The following ZNF292 variants were observed in gnomAD, a reference collection of about 807,000 sequenced individuals.
The protein encoded by ZNF292 is zinc finger protein 292, also known as 16 zinc-finger domain protein.
In ZNF292, 26 loss-of-function variants were observed where a neutral mutation model predicts 217.9. The ratio of observed to expected loss-of-function variants is 0.12; its 90% confidence interval spans 0.09 to 0.17. The LOEUF (loss-of-function observed/expected upper bound fraction) is 0.17. ZNF292 is among the 10% of genes least tolerant of loss of function. ZNF292 has a pLI of 1.00. For synonymous variants in ZNF292, 1,257 were observed against 1,124.1 expected (o/e 1.12, Z -2.37); for missense variants, 2,904 against 3,175.2 (o/e 0.91, Z 2.05).
At position 87,258,914 on chromosome 6, in the gene ZNF292, T is replaced by C. The variant is rs1775397765; in HGVS notation, c.5285T>C (p.Ile1762Thr). Residue 1762 changes from isoleucine to threonine, a missense_variant, in exon 8 of 8, where the codon ATT (isoleucine) becomes ACT (threonine). This residue lies in a region of ZNF292 where 622 missense variants were observed against 573.1 expected (regional missense o/e 1.09). Coordinates refer to ENST00000369577, the MANE Select transcript of ZNF292 (RefSeq NM_015021.3). ...AACTTTGAAAAGACTCTTGAAATTA[T>C]TAAAACTGCTATGAATTCTCAAATA... is the stretch of plus-strand genomic sequence containing the variant. ...IQNFEKTLEI[I>T]KTAMNSQILE... is the part of the protein sequence containing the mutation. 1 of 1,608,294 alleles carries C rather than the reference T, an allele frequency of 6.2e-7. No homozygotes were observed. Among genetic ancestry groups the C allele is most frequent in the Non-Finnish European group, 8.5e-7 (1 of 1,176,812 alleles).
chr6:87,248,966 C>A (rs183742144), intron 7 of ZNF292, among the ~76,000 whole-genome samples: 1 of 152,286 alleles, frequency 6.6e-6, no homozygotes, highest in East Asian at 1.9e-4. Context: ...TCCTACTGGA[C>A]AGCACAGATA....
At chr6:87,231,547 C>T (rs981714305) in intron 4 of ZNF292, among the ~76,000 whole-genome samples, 8 of 152,092 alleles carry the variant, frequency 5.3e-5, no homozygotes, top group Admixed American at 5.2e-4. Context: ...CCATTTTGCC[C>T]TAAGTGTGGC....
intron 1 of ZNF292, among the ~76,000 whole-genome samples, chr6:87,162,775 A>G (rs946740258): frequency 6.6e-6 from 1 of 152,210 alleles, no homozygotes; most frequent in Non-Finnish European, 1.5e-5. Context: ...CAGGATTTTC[A>G]TAGGTTTTTA....
At chr6:87,249,959 C>T (rs11968759) in intron 7 of ZNF292, among the ~76,000 whole-genome samples, 1,557 of 150,996 alleles carry the variant, frequency 0.01, 28 homozygotes, top group African/African-American at 0.035. Context: ...ATCTGCCCAC[C>T]TCAGCCTCCC....
intron 1 of ZNF292, among the ~76,000 whole-genome samples, chr6:87,211,375 A>G (rs1772478853): frequency 6.6e-6 from 1 of 152,176 alleles, no homozygotes; most frequent in Non-Finnish European, 1.5e-5. Context: ...AATTTGGCTA[A>G]TTTAATCTAA....
chr6:87,258,302 C>G lies in ZNF292; in HGVS notation c.4673C>G (p.Thr1558Ser), dbSNP rs745779369. 1 of 1,613,532 alleles carries G rather than the reference C, an allele frequency of 6.2e-7. No individual in the cohort carries two copies. The highest frequency in any genetic ancestry group is 1.1e-5 in the South Asian group (1 of 91,008). ...TNQNRTSNSKTSSIEECSSLP... is the reference protein window; with the variant it reads ...TNQNRTSNSKSSSIEECSSLP... ...CAGAATAGGACGTCAAACTCCAAAACTTCCTCCATTGAGGAATGTAGCAGC... is the reference window on the plus strand; with the variant it reads ...CAGAATAGGACGTCAAACTCCAAAAGTTCCTCCATTGAGGAATGTAGCAGC... Residue 1558 changes from threonine (T) to serine (S), a missense_variant, in exon 8 of 8, where the codon ACT becomes AGT. By Grantham distance (58) the Thr-to-Ser change is moderately conservative. Coordinates refer to ENST00000369577, the MANE Select transcript of ZNF292 (RefSeq NM_015021.3).
At chr6:87,248,273 C>G (rs1294888930) in intron 7 of ZNF292, among the ~76,000 whole-genome samples, 1 of 152,122 alleles carries the variant, frequency 6.6e-6, no homozygotes. Flanking sequence ...TTTATAAGTA[C>G]CTTTTAAAAT....
chr6:87,189,554 G>C (rs1771768683), intron 1 of ZNF292, among the ~76,000 whole-genome samples: 1 of 151,376 alleles, frequency 6.6e-6, no homozygotes, highest in Non-Finnish European at 1.5e-5. Context: ...TTTTCTTTTA[G>C]GAGTAATGGC....
rs1226744782 is a variant in ZNF292 at position 87,258,170 on chromosome 6, C to T, written c.4541C>T (p.Thr1514Ile). Reference sequence around the variant, plus strand: ...GCCGAAATGCTTTCTCATGTTTCAACAGGTTGTGTCTCTGATGCATCACAA... The same window carrying T: ...GCCGAAATGCTTTCTCATGTTTCAATAGGTTGTGTCTCTGATGCATCACAA... ...EGAEMLSHVS[T>I]GCVSDASQVN... Residue 1514 changes from threonine to isoleucine, a missense_variant, in exon 8 of 8, where the codon ACA (threonine) becomes ATA (isoleucine). Thr to Ile is a moderately conservative substitution (Grantham distance 89). Transcript: ENST00000369577. 5.6e-6 allele frequency: 9 copies of T among 1,611,826 alleles called. No individual in the cohort carries two copies. Among genetic ancestry groups the T allele is most frequent in the Non-Finnish European group, 5.9e-6 (7 of 1,179,062 alleles).
At chr6:87,252,602 G>A (rs186298569) in intron 7 of ZNF292, among the ~76,000 whole-genome samples, 19 of 152,178 alleles carry the variant, frequency 1.2e-4, no homozygotes, top group African/African-American at 4.3e-4. Flanking sequence ...TCATCTTTAT[G>A]GTTTACTTGG....
intron 4 of ZNF292, among the ~76,000 whole-genome samples, chr6:87,226,462 G>A (rs1347151433): frequency 2.0e-5 from 3 of 151,662 alleles, no homozygotes; most frequent in African/African-American, 4.8e-5. Context: ...CAGGTAAATA[G>A]GGTGAGGTCA....
At chr6:87,180,111 C>T (rs373210131) in intron 1 of ZNF292, among the ~76,000 whole-genome samples, 13 of 152,164 alleles carry the variant, frequency 8.5e-5, no homozygotes, top group African/African-American at 3.1e-4. Flanking sequence ...TCTTGGGCCA[C>T]ACATAACATA....
chr6:87,222,184 G>A (rs571516755), intron 4 of ZNF292, among the ~76,000 whole-genome samples: 1 of 151,594 alleles, frequency 6.6e-6, no homozygotes, highest in South Asian at 2.1e-4. Flanking sequence ...ATTTCCTCTC[G>A]TTTTGCAGAC....
At position 87,257,515 on chromosome 6, in the gene ZNF292, CATT is replaced by C; in HGVS notation, c.3890_3892del (p.Tyr1297del). 1 of 1,609,496 alleles carries C rather than the reference CATT, an allele frequency of 6.2e-7. No homozygotes were observed. Reference sequence around the variant, plus strand: ...TTCCCAACTGGAAAATAATACAAATCATTATTCCTCACAGATTGAAGGAAACAC... The same window carrying C: ...TTCCCAACTGGAAAATAATACAAATCATTCCTCACAGATTGAAGGAAACAC... On this transcript the variant is annotated inframe_deletion, in exon 8 of 8. Coordinates refer to ENST00000369577, the MANE Select transcript of ZNF292 (RefSeq NM_015021.3).
chr6:87,230,733 TA>T (rs35005215), intron 4 of ZNF292, among the ~76,000 whole-genome samples: 1,494 of 137,218 alleles, frequency 0.011, 17 homozygotes, highest in African/African-American at 0.026. Context: ...GACTCCGTCT[TA>T]AAAAAAAAAA....
In ZNF292 at chr6:87,257,677, G is replaced by C. The variant is rs1775307185; in HGVS notation, c.4048G>C (p.Gly1350Arg). 1 of 1,611,730 alleles carries C rather than the reference G, an allele frequency of 6.2e-7. No individual in the cohort carries two copies. The highest frequency in any genetic ancestry group is 8.5e-7 in the Non-Finnish European group (1 of 1,178,842). ...PEKVKKDRGR[G>R]PNGKERKPKH... ...AAAAGTTAAAAAAGACCGTGGGCGG[G>C]GCCCAAATGGGAAGGAAAGAAAACC... Residue 1350 changes from glycine (G) to arginine (R), a missense_variant, in exon 8 of 8, where the codon GGC becomes CGC. By Grantham distance (125) the Gly-to-Arg change is moderately radical (BLOSUM62 -2). Transcript: ENST00000369577.
At chr6:87,210,314 TC>T (rs1772429261) in intron 1 of ZNF292, among the ~76,000 whole-genome samples, 2 of 152,264 alleles carry the variant, frequency 1.3e-5, no homozygotes, top group East Asian at 3.9e-4. Context: ...ATTTGTGGTA[TC>T]AAAATATCAT....
intron 4 of ZNF292, among the ~76,000 whole-genome samples, chr6:87,231,083 A>G (rs1773628882): frequency 6.6e-6 from 1 of 152,166 alleles, no homozygotes. Context: ...TTATAAGGAA[A>G]AACATCTTGG....
rs201920044 is a variant in ZNF292 at position 87,257,224 on chromosome 6, G to A, written c.3595G>A (p.Val1199Met). 22 of 1,613,714 alleles carry A rather than the reference G, an allele frequency of 1.4e-5. No homozygotes were observed. The highest frequency in any genetic ancestry group is 1.7e-5 in the Non-Finnish European group (20 of 1,179,846). Residue 1199 changes from valine to methionine, a missense_variant, in exon 8 of 8, where the codon GTG becomes ATG. Val to Met is a conservative substitution (Grantham distance 21). Around this residue, in one of 15 missense-constraint regions of ZNF292, gnomAD observed 687 missense variants for 623.0 expected, o/e 1.10. Coordinates refer to ENST00000369577, the MANE Select transcript of ZNF292 (RefSeq NM_015021.3). Reference protein sequence around the residue: ...PPIFPAHLASVSTPLLSSMES... With the variant: ...PPIFPAHLASMSTPLLSSMES... ...CATTTTTCCAGCTCATTTAGCAAGT[G>A]TGTCAACTCCATTGTTGTCCTCAAT... is the stretch of plus-strand genomic sequence containing the variant.
Sources: gnomAD v4.1 joint callset for allele counts (sites outside exome capture counted in the v4.1 genomes callset) on GRCh38, gnomAD v4.1.1 for gene constraint, gnomAD v4.1.1 regional missense constraint, MANE v1.5 for transcripts, NCBI Gene and HGNC (gene_info 2026-07-23, HGNC 2026-07-21) for gene names.